Variants in PAXBP1 observed in about 807,000 individuals in gnomAD.
PAXBP1 encodes the protein PAX3 and PAX7 binding protein 1, also known as PAX3- and PAX7-binding protein 1.
PAXBP1 carries 44 observed loss-of-function variants against 119.9 expected under a neutral mutation model. The ratio of observed to expected loss-of-function variants is 0.37; its 90% CI spans 0.29 to 0.47. PAXBP1 has a LOEUF of 0.47. Ranked by LOEUF, PAXBP1 falls within the 20% of genes least tolerant of loss-of-function variation. The pLI, the probability that PAXBP1 is intolerant of heterozygous loss-of-function variation, is 0.99. For synonymous variants in PAXBP1, 393 were observed against 406.6 expected (o/e 0.97, Z 0.40); for missense variants, 898 against 1,134.1 (o/e 0.79, Z 2.99).
At chr21:32,748,857 T>C (rs965365335) in intron 10 of PAXBP1, among the ~76,000 whole-genome samples, 159 bp from the exon 11 acceptor site, 3 of 152,204 alleles carry the variant, frequency 2.0e-5, no homozygotes, top group Admixed American at 6.5e-5. Context: ...AAAAAATAAA[T>C]TGAAGTTTCA....
rs931509666 is a variant in PAXBP1, at chr21:32,738,433, CTAAGAAATAT to C, written c.2335-124_2335-115del. 3.8e-6 allele frequency: 3 copies of C among 786,410 alleles called. No individual in the cohort carries two copies. In the African/African-American group the frequency reaches 5.5e-5, roughly 14 times the overall value. The allele number at this position is 786,410 out of a possible 1,614,324, so 48.7% of individuals were successfully genotyped here. The stretch of plus-strand genomic sequence containing the variant: ...CAGCAGACCATGTCTTGCCAAAGTA[CTAAGAAATAT>C]TAATACTTTCAAAGGTACAGATATT... On this transcript the variant is annotated intron_variant, in intron 15 of 17. Transcript: ENST00000331923.
In PAXBP1 at chr21:32,755,177, C is replaced by T. The variant is rs923641617; in HGVS notation, c.1507+53G>A. 2.7e-6 allele frequency: 4 copies of T among 1,507,908 alleles called. No individual in the cohort carries two copies. In the African/African-American group the frequency reaches 4.3e-5, roughly 16 times the overall value. The allele number at this position is 1,507,908 out of a possible 1,614,324, so 93.4% of individuals were successfully genotyped here. A position where few individuals can be genotyped will look rare whatever the true frequency, so the allele number is the denominator to read the frequency against. The stretch of plus-strand genomic sequence containing the variant: ...ATCTCTAATTTTCAATTAGGCTGCA[C>T]TAAGTAAACAAGGTTGTTTAATGAA... On this transcript the variant is annotated intron_variant, in intron 8 of 17. Coordinates refer to ENST00000331923, the MANE Select transcript of PAXBP1 (RefSeq NM_016631.4).
chr21:32,770,005 C>G lies in PAXBP1; in HGVS notation c.344-63G>C, dbSNP rs2044308457. On this transcript the variant is annotated intron_variant, in intron 1 of 17. Transcript: ENST00000331923. ...TTTCTGAAAATATTTTCCCTTCTTTCACATGATCTTACGTGCTGTCCAAAT... is the reference window on the plus strand; with the variant it reads ...TTTCTGAAAATATTTTCCCTTCTTTGACATGATCTTACGTGCTGTCCAAAT... 2.4e-6 allele frequency: 3 copies of G among 1,273,114 alleles called. No homozygotes were observed. The South Asian group carries it at 4.3e-5, about 18-fold the overall frequency. 78.9% of individuals were successfully genotyped at this position (1,273,114 alleles called of 1,614,324 possible).
chr21:32,761,126 C>T lies in PAXBP1; in HGVS notation c.908G>A (p.Gly303Glu). The T allele has an allele frequency of 1.2e-6, 2 of 1,614,008 alleles. No individual in the cohort carries two copies. Among genetic ancestry groups the T allele is most frequent in the Non-Finnish European group, 1.7e-6 (2 of 1,180,012 alleles). ...EGSDDDALVT[G>E]EQDEELSRWE... ...TCGGCTGAGCTCTTCATCCTGTTCT[C>T]CAGTTACTAAAGCATCATCATCACT... is the stretch of plus-strand genomic sequence containing the variant. The change falls in exon 5 of 18, where the codon GGA becomes GAA. Residue 303 changes from glycine to glutamate, a missense_variant. Physicochemically the swap from Gly to Glu is moderately conservative, Grantham distance 98. Coordinates refer to ENST00000331923, the MANE Select transcript of PAXBP1 (RefSeq NM_016631.4).
intron 7 of PAXBP1, chr21:32,756,656 T>G: frequency 3.9e-6 from 1 of 253,940 alleles, no homozygotes; most frequent in Non-Finnish European, 7.6e-6. Context: ...CACTTCCCCA[T>G]GCCCTCATTT....
intron 15 of PAXBP1, chr21:32,742,790 T>C (rs2043807491): frequency 3.2e-6 from 1 of 314,594 alleles, no homozygotes; most frequent in East Asian, 8.1e-5. Flanking sequence ...CAGTATATTA[T>C]TAATAACTGT....
At chr21:32,760,433 A>G (rs1336722703) in intron 5 of PAXBP1, among the ~76,000 whole-genome samples, 1 of 152,228 alleles carries the variant, frequency 6.6e-6, no homozygotes, top group African/African-American at 2.4e-5. Context: ...TAACAAAAAT[A>G]GGTTTACGTT....
intron 1 of PAXBP1, 66 bp downstream of exon 1, chr21:32,771,260 G>T: frequency 7.1e-7 from 1 of 1,416,974 alleles, no homozygotes; most frequent in South Asian, 1.3e-5. Context: ...GAGAATACGG[G>T]GGCGGGGGAC....
chr21:32,760,691 C>T (rs80098814), intron 5 of PAXBP1, among the ~76,000 whole-genome samples: 14,572 of 152,110 alleles, frequency 0.096, 759 homozygotes, highest in African/African-American at 0.11. Flanking sequence ...GCCCCACCAC[C>T]CCAAGCTTCT....
Position 32,734,737 on chromosome 21 carries a change from G to C in PAXBP1, c.*213C>G, listed in dbSNP as rs2043667887. 1 of 568,602 alleles carries C rather than the reference G, an allele frequency of 1.8e-6. No individual in the cohort carries two copies. 35.2% of individuals were successfully genotyped at this position (568,602 alleles called of 1,614,324 possible). A position where few individuals can be genotyped will look rare whatever the true frequency, so the allele number is the denominator to read the frequency against. On this transcript the variant is annotated 3_prime_UTR_variant, in exon 18 of 18. Transcript: ENST00000331923. ...CAAAATACTTCAGTAAACAAAGTAT[G>C]ACAGGCAGTAAAGAAAACATTCATA...
Position 32,750,994 on chromosome 21 carries a change from A to G in PAXBP1, c.1646T>C (p.Met549Thr). The G allele has an allele frequency of 6.2e-7, 1 of 1,614,182 alleles. No homozygotes were observed. Among genetic ancestry groups the G allele is most frequent in the Non-Finnish European group, 8.5e-7 (1 of 1,180,022 alleles). ...GGAAAGGCCTTCAAGGTGATCTGCC[A>G]TCTTACCGGTTTGTTCTCTGGCTTG... is the stretch of plus-strand genomic sequence containing the variant. ...RRQAREQTGKMADHLEGLSSD... is the reference protein window; with the variant it reads ...RRQAREQTGKTADHLEGLSSD... Residue 549 changes from methionine to threonine, a missense_variant, in exon 10 of 18, where the codon ATG (methionine) becomes ACG (threonine). Met to Thr is a moderately conservative substitution (Grantham distance 81). Around this residue, in one of 2 missense-constraint regions of PAXBP1, gnomAD observed 599 missense variants for 852.7 expected, o/e 0.70. Transcript: ENST00000331923.
chr21:32,761,294 CCT>C, intron 4 of PAXBP1, 132 bp from the exon 5 acceptor site: 2 of 706,850 alleles, frequency 2.8e-6, no homozygotes, highest in Non-Finnish European at 4.9e-6. Flanking sequence ...AATATGATCT[CCT>C]CTCTCATTTG....
chr21:32,739,935 C>CT (rs749595300), intron 15 of PAXBP1, among the ~76,000 whole-genome samples: 1 of 53,234 alleles, frequency 1.9e-5, no homozygotes, highest in Admixed American at 2.8e-4. Context: ...GACCTCGTCT[C>CT]TTTAAAAAAA....
chr21:32,760,057 CT>C, intron 5 of PAXBP1, 63 bp from the exon 6 acceptor site: 1 of 1,319,194 alleles, frequency 7.6e-7, no homozygotes, highest in Non-Finnish European at 1.0e-6. Flanking sequence ...AATAATATGC[CT>C]TTAGGGTTAA....
At chr21:32,760,109 T>A in intron 5 of PAXBP1, 115 bp from the exon 6 acceptor site, 1 of 737,388 alleles carries the variant, frequency 1.4e-6, no homozygotes, top group South Asian at 2.0e-5. Context: ...CCAAATATTA[T>A]GTAATAATTG....
At chr21:32,770,196 T>C (rs556357255) in intron 1 of PAXBP1, among the ~76,000 whole-genome samples, 12 of 152,336 alleles carry the variant, frequency 7.9e-5, no homozygotes, top group African/African-American at 2.9e-4. Flanking sequence ...TTCCTATTAT[T>C]GTCGTCCTTA....
intron 15 of PAXBP1, among the ~76,000 whole-genome samples, chr21:32,739,733 C>T (rs1424602299): frequency 6.6e-6 from 1 of 151,252 alleles, no homozygotes. Flanking sequence ...GATGAAACCC[C>T]GTCTCTACTA....
chr21:32,743,549 T>G (rs1315304833), intron 14 of PAXBP1, 129 bp downstream of exon 14: 2 of 760,866 alleles, frequency 2.6e-6, no homozygotes, highest in African/African-American at 1.8e-5. Context: ...ATCTCGCCAC[T>G]AATCTAGTCT....
At chr21:32,749,135 T>C (rs146190041) in intron 10 of PAXBP1, among the ~76,000 whole-genome samples, 1 of 152,132 alleles carries the variant, frequency 6.6e-6, no homozygotes, top group East Asian at 1.9e-4. Flanking sequence ...ATAACTGACA[T>C]AGCCAACTAT....
Sources: allele counts gnomAD v4.1 joint callset (sites outside exome capture counted in the v4.1 genomes callset), GRCh38; gene constraint gnomAD v4.1.1; regional missense constraint gnomAD v4.1.1; transcripts MANE v1.5; gene names NCBI Gene and HGNC (gene_info 2026-07-23, HGNC 2026-07-21).